The following ZSCAN9 variants were observed in gnomAD, a reference collection of about 807,000 sequenced individuals.
ZSCAN9 encodes zinc finger and SCAN domain containing 9.
ZSCAN9 carries 19 observed loss-of-function variants against 23.0 expected under a neutral mutation model. The ratio of observed to expected loss-of-function variants is 0.83; its 90% CI spans 0.58 to 1.21. The LOEUF (loss-of-function observed/expected upper bound fraction) is 1.21. Among genes scored for constraint, ZSCAN9 ranks in the 50% most tolerant of loss-of-function variants. ZSCAN9 has a pLI of 0.00. For synonymous variants in ZSCAN9, 155 were observed against 164.8 expected (o/e 0.94, Z 0.46); for missense variants, 467 against 471.5 (o/e 0.99, Z 0.09).
chr6:28,226,391 A>G (rs182060775), intron 1 of ZSCAN9, among the ~76,000 whole-genome samples: 14 of 152,350 alleles, frequency 9.2e-5, no homozygotes, highest in East Asian at 7.7e-4. Flanking sequence ...TGGTTCGTTC[A>G]TTTAGTCGAC....
In ZSCAN9 at chr6:28,231,669, G is replaced by T. The variant is rs181704182; in HGVS notation, c.569-893G>T. Among the ~76,000 whole-genome samples, 40 of 151,456 alleles carry T rather than the reference G, an allele frequency of 2.6e-4. No individual in the cohort carries two copies. In the Middle Eastern group the frequency reaches 0.01, roughly 39 times the overall value. Reference sequence around the variant, plus strand: ...CTCGGGAGGCTGAGGCAGGAGAATCGCTTGAATCCGGGAAGCGGAGATTAC... The same window carrying T: ...CTCGGGAGGCTGAGGCAGGAGAATCTCTTGAATCCGGGAAGCGGAGATTAC... On this transcript the variant is annotated intron_variant, in intron 3 of 3. Transcript: ENST00000252207.
chr6:28,229,352 C>A (rs1184781518), intron 3 of ZSCAN9: 1 of 152,862 alleles, frequency 6.5e-6, no homozygotes, highest in Non-Finnish European at 1.5e-5. Flanking sequence ...CACTTCCTTT[C>A]TTCTACCTTC....
rs769970416 is a variant in ZSCAN9 at position 28,233,036 on chromosome 6, G to A, written c.1043G>A (p.Ser348Asn). The change falls in exon 4 of 4, where the codon AGT becomes AAT. Residue 348 changes from serine to asparagine, a missense_variant. By Grantham distance (46) the Ser-to-Asn change is conservative. Coordinates refer to ENST00000252207, the MANE Select transcript of ZSCAN9 (RefSeq NM_006299.5). ...YQCSQCSKSY[S>N]RRSFLIEHQR... ...TGCAGCCAGTGCAGTAAGAGCTACA[G>A]TCGGCGTTCATTTCTCATTGAACAT... The A allele has an allele frequency of 1.2e-6, 2 of 1,614,166 alleles. No individual in the cohort carries two copies. The highest frequency in any genetic ancestry group is 3.3e-5 in the Admixed American group (2 of 60,022).
intron 3 of ZSCAN9, 168 bp downstream of exon 3, chr6:28,228,005 G>C (rs1222305921): frequency 1.2e-6 from 1 of 826,762 alleles, no homozygotes; most frequent in Non-Finnish European, 2.0e-6. Context: ...CCTTCTCCCT[G>C]CGTGCAGACT....
intron 3 of ZSCAN9, among the ~76,000 whole-genome samples, chr6:28,231,044 A>G (rs1438556436): frequency 2.0e-5 from 3 of 152,200 alleles, no homozygotes; most frequent in Non-Finnish European, 4.4e-5. Context: ...ATACATTCCA[A>G]GACCCCCAGT....
At chr6:28,232,445 C>T in intron 3 of ZSCAN9, 117 bp from the exon 4 acceptor site, 1 of 1,483,202 alleles carries the variant, frequency 6.7e-7, no homozygotes, top group South Asian at 1.4e-5. Context: ...TGTTACCACA[C>T]TAGCCCTTCT....
rs77396427 is a variant in ZSCAN9, at chr6:28,225,576, G to A, written c.-74+210G>A. Among the ~76,000 whole-genome samples the A allele has an allele frequency of 3.9e-4, 60 of 152,292 alleles. 1 individual carries two copies. In the East Asian group the frequency reaches 0.011, roughly 29 times the overall value. On this transcript the variant is annotated intron_variant, in intron 1 of 3. Coordinates refer to ENST00000252207, the MANE Select transcript of ZSCAN9 (RefSeq NM_006299.5). ...CAAGAAAGGGTTGTAGGAGGACTGC[G>A]AGGCTGAAGGGTCACCTCGGTGAAT...
At chr6:28,228,278 A>G (rs1760185297) in intron 3 of ZSCAN9, 2 of 512,106 alleles carry the variant, frequency 3.9e-6, no homozygotes, top group Non-Finnish European at 6.8e-6. Flanking sequence ...AGAATACCAC[A>G]GACTGGTTGT....
chr6:28,228,267 G>A (rs945878958), intron 3 of ZSCAN9: 15 of 550,848 alleles, frequency 2.7e-5, no homozygotes, highest in African/African-American at 2.5e-4. Flanking sequence ...GCTGCCTTAA[G>A]AGAATACCAC....
Position 28,227,741 on chromosome 6 carries a change from C to T in ZSCAN9, c.472C>T (p.Leu158=). Residue 158 remains leucine, a synonymous_variant, in exon 3 of 4, where the codon CTA becomes TTA. Transcript: ENST00000252207. ...QEVLCKEMVP[L]AEQTPLTLQS... ...AGTCCTCTGTAAAGAGATGGTGCCTCTAGCAGAGCAGACACCACTGACCCT... is the reference window on the plus strand; with the variant it reads ...AGTCCTCTGTAAAGAGATGGTGCCTTTAGCAGAGCAGACACCACTGACCCT... 3.7e-6 allele frequency: 6 copies of T among 1,612,262 alleles called. No homozygotes were observed. The highest frequency in any genetic ancestry group is 5.1e-6 in the Non-Finnish European group (6 of 1,179,528).
At chr6:28,229,385 T>C (rs1760217383) in intron 3 of ZSCAN9, among the ~76,000 whole-genome samples, 1 of 152,190 alleles carries the variant, frequency 6.6e-6, no homozygotes, top group Non-Finnish European at 1.5e-5. Context: ...AGAACCCTGC[T>C]GAGTATCCCC....
At position 28,227,220 on chromosome 6, in the gene ZSCAN9, C is replaced by T. The variant is rs904579861; in HGVS notation, c.136C>T (p.Leu46=). ...QESRLKRSNP[L]AREIFRRHFR... ...ATCCAGACTGAAACGCAGTAATCCACTGGCAAGGGAAATCTTCCGAAGGCA... is the reference window on the plus strand; with the variant it reads ...ATCCAGACTGAAACGCAGTAATCCATTGGCAAGGGAAATCTTCCGAAGGCA... Residue 46 remains leucine (L), a synonymous_variant, in exon 2 of 4, where the codon CTG becomes TTG. Coordinates refer to ENST00000252207, the MANE Select transcript of ZSCAN9 (RefSeq NM_006299.5). 2.5e-6 allele frequency: 4 copies of T among 1,614,246 alleles called. No homozygotes were observed. Among genetic ancestry groups the T allele is most frequent in the Non-Finnish European group, 3.4e-6 (4 of 1,180,046 alleles).
chr6:28,232,423 C>T lies in ZSCAN9; in HGVS notation c.569-139C>T, dbSNP rs535441564. Reference sequence around the variant, plus strand: ...CAAAGAGGGCAAACGTTCCTCCCTACGTAGGGGAAAGTGTTACCACACTAG... The same window carrying T: ...CAAAGAGGGCAAACGTTCCTCCCTATGTAGGGGAAAGTGTTACCACACTAG... On this transcript the variant is annotated intron_variant, in intron 3 of 3. Transcript: ENST00000252207. The T allele has an allele frequency of 2.7e-3, 3,886 of 1,414,824 alleles. 6 individuals carry two copies. The highest frequency in any genetic ancestry group is 3.4e-3 in the Non-Finnish European group (3,649 of 1,067,608). 87.6% of individuals were successfully genotyped at this position (1,414,824 alleles called of 1,614,324 possible). A position where few individuals can be genotyped will look rare whatever the true frequency, so the allele number is the denominator to read the frequency against.
In ZSCAN9 at chr6:28,233,094, G is replaced by A. The variant is rs781121138; in HGVS notation, c.1101G>A (p.Gln367=). The change falls in exon 4 of 4, where the codon CAG becomes CAA. Residue 367 remains glutamine, a synonymous_variant. Coordinates refer to ENST00000252207, the MANE Select transcript of ZSCAN9 (RefSeq NM_006299.5). ...QRSHTGERPH[Q]CIECGKSFNR... ...GCCACACAGGGGAGCGACCTCACCA[G>A]TGCATTGAATGTGGGAAAAGCTTTA... The A allele has an allele frequency of 3.1e-6, 5 of 1,613,996 alleles. No homozygotes were observed. In the African/African-American group the frequency reaches 6.7e-5, roughly 22 times the overall value.
rs552572015 is a variant in ZSCAN9 at position 28,226,054 on chromosome 6, C to T, written c.-74+688C>T. On this transcript the variant is annotated intron_variant, in intron 1 of 3. Transcript: ENST00000252207. ...AAACTTTTCCCTTGGGCTTCTTTGG[C>T]TTCTTAGGATTGTCCTCAAAAAGAA... Among the ~76,000 whole-genome samples the T allele has an allele frequency of 6.3e-4, 96 of 152,352 alleles. 2 individuals are homozygous for T. The South Asian group carries it at 0.02, about 32-fold the overall frequency.
intron 3 of ZSCAN9, among the ~76,000 whole-genome samples, chr6:28,230,920 G>A (rs192455168): frequency 2.6e-5 from 4 of 152,202 alleles, no homozygotes; most frequent in South Asian, 2.1e-4. Context: ...TTTGAGGTGA[G>A]AAGTTTCCAG....
rs571221767 is a variant in ZSCAN9, at chr6:28,229,817, A to G, written c.568+1980A>G. Among the ~76,000 whole-genome samples, 39 of 151,496 alleles carry G rather than the reference A, an allele frequency of 2.6e-4. 1 individual carries two copies. The South Asian group carries it at 5.6e-3, about 22-fold the overall frequency. On this transcript the variant is annotated intron_variant, in intron 3 of 3. Coordinates refer to ENST00000252207, the MANE Select transcript of ZSCAN9 (RefSeq NM_006299.5). ...CTGCATATTTTGCAGACGTTTCTCT[A>G]TATAGTCTGCCTACCCATATATATG...
intron 3 of ZSCAN9, chr6:28,228,215 T>G: frequency 1.7e-6 from 1 of 591,554 alleles, no homozygotes; most frequent in Non-Finnish European, 3.0e-6. Context: ...ATCCCTCATC[T>G]ACAAAATGGG....
chr6:28,227,418 G>A lies in ZSCAN9; in HGVS notation c.334G>A (p.Val112Met). The part of the protein sequence containing the change: ...SILPKELQGW[V>M]REHCPESGEE... ...TCTGCCCAAGGAGCTCCAGGGCTGG[G>A]TGAGGGAACACTGTCCAGAGAGTGG... The change falls in exon 2 of 4, where the codon GTG (valine) becomes ATG (methionine). Residue 112 changes from valine (V) to methionine (M), a missense_variant. Val to Met is a conservative substitution (Grantham distance 21). Transcript: ENST00000252207. 2 of 1,614,222 alleles carry A rather than the reference G, an allele frequency of 1.2e-6. No homozygotes were observed. The highest frequency in any genetic ancestry group is 8.5e-7 in the Non-Finnish European group (1 of 1,180,034).
Sources: gnomAD v4.1 joint callset for allele counts (sites outside exome capture counted in the v4.1 genomes callset) on GRCh38, gnomAD v4.1.1 for gene constraint, MANE v1.5 for transcripts, NCBI Gene and HGNC (gene_info 2026-07-23, HGNC 2026-07-21) for gene names.